The following FOXP1 variants were observed in gnomAD, a reference collection of about 807,000 sequenced individuals.
FOXP1 encodes forkhead box P1.
A neutral mutation model predicts 98.2 loss-of-function variants in FOXP1; 15 were observed. That is an observed-to-expected ratio of 0.15 (90% confidence interval 0.10 to 0.24). The LOEUF is 0.24. FOXP1 is among the 10% of genes least tolerant of loss of function. The probability of loss-of-function intolerance (pLI) is 1.00; values close to 1 mark genes in which losing one functional copy is unlikely to be tolerated. For synonymous variants in FOXP1, 371 were observed against 314.5 expected, an observed-to-expected ratio of 1.18 and a Z score of -1.90; for missense variants, 633 against 848.5, an observed-to-expected ratio of 0.75 and a Z score of 3.15.
At chr3:71,033,010 A>G (rs1280798024) in intron 11 of FOXP1, among the ~76,000 whole-genome samples, 2 of 152,210 alleles carry the variant, frequency 1.3e-5, no homozygotes, top group Non-Finnish European at 2.9e-5. Context: ...AGTAAAACCG[A>G]GTACCATGGA....
chr3:71,226,951 ACAGGGCAGAGCGCACAGGACGAC>A (rs2065890240), intron 5 of FOXP1, among the ~76,000 whole-genome samples: 2 of 152,074 alleles, frequency 1.3e-5, no homozygotes. Flanking sequence ...CCCTCTGATG[ACAGGGCAGAGCGCACAGGACGAC>A]TCTGGTTTGG....
At position 71,061,675 on chromosome 3, in the gene FOXP1, T is replaced by C. The variant is rs188016855; in HGVS notation, c.283-7902A>G. On this transcript the variant is annotated intron_variant, in intron 7 of 20. Transcript: ENST00000649528. ...CAACTGTTGCTACATTATCCCTTGT[T>C]TGCAAATCAAGGAATGATGAACTAC... Among the ~76,000 whole-genome samples, 30 of 152,314 alleles carry C rather than the reference T, an allele frequency of 2.0e-4. 2 individuals carry two copies. Among genetic ancestry groups the C allele is most frequent in the Non-Finnish European group, 4.4e-5 (3 of 67,986 alleles).
chr3:71,058,191 G>A (rs1390297421), intron 7 of FOXP1, among the ~76,000 whole-genome samples: 3 of 151,978 alleles, frequency 2.0e-5, no homozygotes, highest in Non-Finnish European at 2.9e-5. Flanking sequence ...TATAAATACT[G>A]AAAATAACAT....
intron 2 of FOXP1, among the ~76,000 whole-genome samples, chr3:71,536,572 TC>T (rs1355633217): frequency 1.5e-5 from 2 of 133,064 alleles, no homozygotes; most frequent in Non-Finnish European, 3.1e-5. Flanking sequence ...AAACCATGTC[TC>T]TTTTTTTTTT....
At chr3:71,018,999 G>A (rs909173293) in intron 11 of FOXP1, among the ~76,000 whole-genome samples, 1 of 152,142 alleles carries the variant, frequency 6.6e-6, no homozygotes, top group Non-Finnish European at 1.5e-5. Flanking sequence ...CGCTGCATGT[G>A]TGGCTGGGAC....
intron 6 of FOXP1, among the ~76,000 whole-genome samples, chr3:71,125,616 G>A (rs1272374741): frequency 6.6e-6 from 1 of 152,176 alleles, no homozygotes; most frequent in Non-Finnish European, 1.5e-5. Flanking sequence ...ACACAGTTGT[G>A]CTCACAGAGT....
intron 3 of FOXP1, among the ~76,000 whole-genome samples, chr3:71,439,904 C>T (rs886299636): frequency 4.7e-5 from 7 of 150,122 alleles, no homozygotes; most frequent in African/African-American, 1.5e-4. Context: ...GGAGATTGCA[C>T]CATTGCACAC....
At chr3:71,156,257 G>C (rs899261201) in intron 6 of FOXP1, among the ~76,000 whole-genome samples, 2 of 152,124 alleles carry the variant, frequency 1.3e-5, no homozygotes, top group Admixed American at 1.3e-4. Flanking sequence ...GGGAATGAAG[G>C]ATGGGTCCTC....
At chr3:71,198,107 C>T in intron 6 of FOXP1, 95 bp downstream of exon 6, 2 of 1,613,714 alleles carry the variant, frequency 1.2e-6, no homozygotes, top group Non-Finnish European at 1.7e-6. Context: ...CAGGTGAACA[C>T]AAAACACTGA....
intron 3 of FOXP1, among the ~76,000 whole-genome samples, chr3:71,476,026 G>A (rs190154980): frequency 6.6e-5 from 10 of 151,968 alleles, no homozygotes; most frequent in Admixed American, 1.3e-4. Context: ...AAATGCACAA[G>A]TCTACATGAC....
intron 7 of FOXP1, among the ~76,000 whole-genome samples, chr3:71,089,634 C>T (rs1032289740): frequency 3.3e-5 from 5 of 152,182 alleles, no homozygotes; most frequent in African/African-American, 1.2e-4. Flanking sequence ...CCATCCTTGC[C>T]ACATGGGGAT....
chr3:71,200,083 CA>C (rs61281811), intron 5 of FOXP1, among the ~76,000 whole-genome samples: 78 of 76,112 alleles, frequency 1.0e-3, no homozygotes, highest in East Asian at 2.4e-3. Flanking sequence ...CTCCATCTCA[CA>C]AAAAAAAAAA....
At chr3:71,152,913 C>T (rs1052240661) in intron 6 of FOXP1, among the ~76,000 whole-genome samples, 14 of 152,262 alleles carry the variant, frequency 9.2e-5, no homozygotes, top group East Asian at 5.8e-4. Flanking sequence ...CCCATTCTGA[C>T]GCACTTACAG....
intron 12 of FOXP1, among the ~76,000 whole-genome samples, chr3:71,007,388 A>T (rs1207633161): frequency 1.3e-5 from 2 of 152,212 alleles, no homozygotes; most frequent in African/African-American, 4.8e-5. Context: ...ATTTCACTGC[A>T]GAACATTCAG....
At chr3:70,970,579 G>GTGTT (rs2035999401) in intron 19 of FOXP1, 157 bp downstream of exon 19, 13 of 719,626 alleles carry the variant, frequency 1.8e-5, no homozygotes, top group South Asian at 1.5e-4. Context: ...GCAGCCCGAT[G>GTGTT]TGTTTGCCTC....
At chr3:71,543,913 G>C (rs1189674641) in intron 2 of FOXP1, among the ~76,000 whole-genome samples, 2 of 151,536 alleles carry the variant, frequency 1.3e-5, no homozygotes, top group Non-Finnish European at 1.5e-5. Context: ...GTTCTCTTTT[G>C]AATATATTTG....
chr3:71,510,260 G>A (rs1038457651), intron 2 of FOXP1, among the ~76,000 whole-genome samples: 5 of 151,978 alleles, frequency 3.3e-5, no homozygotes, highest in Non-Finnish European at 7.4e-5. Flanking sequence ...AGTCCAAGGC[G>A]GGTGTATCAC....
At chr3:71,540,821 T>C (rs1049172638) in intron 2 of FOXP1, among the ~76,000 whole-genome samples, 5 of 152,182 alleles carry the variant, frequency 3.3e-5, no homozygotes, top group African/African-American at 1.2e-4. Context: ...GTGTAGCAAA[T>C]ATCCAGTGCC....
At chr3:70,971,877 T>C (rs1248875607) in intron 18 of FOXP1, 1 of 613,644 alleles carries the variant, frequency 1.6e-6, no homozygotes, top group Admixed American at 3.8e-5. Flanking sequence ...CATGTACAAA[T>C]CACACAATTT....
Sources: allele counts gnomAD v4.1 joint callset (sites outside exome capture counted in the v4.1 genomes callset), GRCh38; gene constraint gnomAD v4.1.1; transcripts MANE v1.5; gene names NCBI Gene and HGNC (gene_info 2026-07-23, HGNC 2026-07-21).